Variants in TBC1D5 observed in about 807,000 individuals in gnomAD.
TBC1D5 encodes TBC1 domain family member 5.
Under a neutral mutation model 100.3 loss-of-function variants are expected in TBC1D5, and 75 were observed. The observed-to-expected ratio is 0.75, with a 90% CI of 0.62 to 0.91. The LOEUF (loss-of-function observed/expected upper bound fraction) is 0.91. TBC1D5 is among the 40% of genes least tolerant of loss of function. The pLI is 0.00. For missense variants in TBC1D5, 910 were observed against 942.4 expected (o/e 0.97, Z 0.45); for synonymous variants, 323 against 325.6 (o/e 0.99, Z 0.09).
intron 2 of TBC1D5, among the ~76,000 whole-genome samples, chr3:17,556,318 T>C (rs966794705): frequency 1.3e-5 from 2 of 152,182 alleles, no homozygotes; most frequent in Non-Finnish European, 2.9e-5. Flanking sequence ...GTGCTTAGCC[T>C]AGTTTGTTTT....
At chr3:17,696,994 T>C (rs1185160894) in intron 1 of TBC1D5, among the ~76,000 whole-genome samples, 1 of 152,122 alleles carries the variant, frequency 6.6e-6, no homozygotes, top group Non-Finnish European at 1.5e-5. Flanking sequence ...ACAGAACCAA[T>C]GATAAAAACC....
In TBC1D5 at chr3:17,706,447, GCA is replaced by G. The variant is rs1560520538; in HGVS notation, c.-101+32894_-101+32895del. On this transcript the variant is annotated intron_variant, in intron 1 of 21. Transcript: ENST00000253692. ...TACACACACACACACACACGCGCGC[GCA>G]CACCCCACTAGTGAGATGTTTTACT... 3.5e-3 allele frequency among the ~76,000 whole-genome samples: 527 copies of G among 151,624 alleles called. 4 individuals carry two copies. The highest frequency in any genetic ancestry group is 0.012 in the African/African-American group (498 of 41,274).
At chr3:17,443,249 C>A (rs1440522053) in intron 3 of TBC1D5, among the ~76,000 whole-genome samples, 1 of 152,104 alleles carries the variant, frequency 6.6e-6, no homozygotes, top group Non-Finnish European at 1.5e-5. Context: ...CAGAGAGGCA[C>A]TGAAATGTGA....
At chr3:17,480,877 C>T (rs1344599781) in intron 3 of TBC1D5, among the ~76,000 whole-genome samples, 1 of 152,216 alleles carries the variant, frequency 6.6e-6, no homozygotes. Context: ...CCGTGTACCT[C>T]ATTCTTCCTG....
intron 15 of TBC1D5, among the ~76,000 whole-genome samples, chr3:17,266,139 C>A (rs1220718136): frequency 6.6e-6 from 1 of 152,052 alleles, no homozygotes; most frequent in Non-Finnish European, 1.5e-5. Flanking sequence ...GTAATTAAAG[C>A]TGGAAAAATT....
chr3:17,611,223 A>C (rs758053267), intron 2 of TBC1D5, among the ~76,000 whole-genome samples: 1 of 152,170 alleles, frequency 6.6e-6, no homozygotes, highest in Non-Finnish European at 1.5e-5. Flanking sequence ...TTGTAAAGTG[A>C]CTTTGACATC....
Position 17,248,271 on chromosome 3 carries a change from C to T in TBC1D5, c.1332-9852G>A, listed in dbSNP as rs536495317. 4.6e-5 allele frequency among the ~76,000 whole-genome samples: 7 copies of T among 152,296 alleles called. No individual in the cohort carries two copies. In the South Asian group the frequency reaches 6.2e-4, roughly 14 times the overall value. On this transcript the variant is annotated intron_variant, in intron 16 of 21. Coordinates refer to ENST00000253692, the Ensembl canonical transcript of TBC1D5. ...CCTCCCAAAGTGCTGGCATTACAGG[C>T]GTGAGCCACTGCGCCCGGCCTGATG...
At chr3:17,453,785 C>G (rs1206748699) in intron 3 of TBC1D5, among the ~76,000 whole-genome samples, 2 of 152,110 alleles carry the variant, frequency 1.3e-5, no homozygotes, top group Non-Finnish European at 2.9e-5. Flanking sequence ...GCCAATATAC[C>G]AAAACCTAGA....
chr3:17,238,075 C>G, intron 17 of TBC1D5, 88 bp downstream of exon 17: 1 of 1,501,096 alleles, frequency 6.7e-7, no homozygotes, highest in Non-Finnish European at 8.9e-7. Flanking sequence ...AATTTCTATT[C>G]TAGGAGATTG....
At chr3:17,293,242 CT>C (rs775642457) in intron 14 of TBC1D5, among the ~76,000 whole-genome samples, 1 of 152,038 alleles carries the variant, frequency 6.6e-6, no homozygotes. Flanking sequence ...ACCTGCTGTC[CT>C]TTTTTTCTCC....
At chr3:17,741,494 T>C (rs1299933897), upstream of TBC1D5, among the ~76,000 whole-genome samples, 1 of 152,200 alleles carries the variant, frequency 6.6e-6, no homozygotes, top group African/African-American at 2.4e-5. Flanking sequence ...CTTATAAAGG[T>C]TTACAAAAGA....
intron 1 of TBC1D5, among the ~76,000 whole-genome samples, chr3:17,636,182 A>G (rs747745793): frequency 2.0e-4 from 30 of 152,256 alleles, no homozygotes; most frequent in Non-Finnish European, 3.8e-4. Flanking sequence ...GCGAAACTCC[A>G]TATCAAGAAA....
intron 1 of TBC1D5, among the ~76,000 whole-genome samples, chr3:17,658,455 T>C (rs1047252332): frequency 6.6e-6 from 1 of 152,102 alleles, no homozygotes. Context: ...TCTCATGAGA[T>C]GAAGCTTCAG....
At chr3:17,411,099 C>T (rs2093911282) in intron 4 of TBC1D5, among the ~76,000 whole-genome samples, 1 of 152,036 alleles carries the variant, frequency 6.6e-6, no homozygotes, top group Admixed American at 6.6e-5. Flanking sequence ...TTACCCCCAA[C>T]CTTCAGCAAC....
chr3:17,673,130 A>G (rs1381136091), intron 1 of TBC1D5, among the ~76,000 whole-genome samples: 1 of 152,194 alleles, frequency 6.6e-6, no homozygotes, highest in East Asian at 1.9e-4. Flanking sequence ...AGAACATTTA[A>G]TGTTAATGGA....
chr3:17,193,493 G>A (rs1014358403), intron 18 of TBC1D5, among the ~76,000 whole-genome samples: 3 of 152,122 alleles, frequency 2.0e-5, no homozygotes, highest in Non-Finnish European at 2.9e-5. Context: ...CCGTGGGTGC[G>A]ACATATGGGG....
At chr3:17,548,868 A>T (rs1179631007) in intron 2 of TBC1D5, among the ~76,000 whole-genome samples, 1 of 152,270 alleles carries the variant, frequency 6.6e-6, no homozygotes, top group Non-Finnish European at 1.5e-5. Flanking sequence ...AGTATAAATT[A>T]TAAGGTAAGG....
intron 19 of TBC1D5, among the ~76,000 whole-genome samples, chr3:17,176,400 G>A (rs1232151344): frequency 6.6e-6 from 1 of 152,212 alleles, no homozygotes; most frequent in African/African-American, 2.4e-5. Context: ...TTCAAACTGG[G>A]AAGGCTGGTA....
chr3:17,338,675 TCATAATTGAAAGA>T (rs2088345066), intron 13 of TBC1D5: 1 of 152,250 alleles, frequency 6.6e-6, no homozygotes, highest in Non-Finnish European at 1.5e-5. Context: ...TTTACTTCAT[TCATAATTGAAAGA>T]CATGTTCAAA....
Sources: gnomAD v4.1 joint callset for allele counts (sites outside exome capture counted in the v4.1 genomes callset) on GRCh38, gnomAD v4.1.1 for gene constraint, MANE v1.5 for transcripts, NCBI Gene and HGNC (gene_info 2026-07-23, HGNC 2026-07-21) for gene names.